The following PSMG2 variants were observed in gnomAD, a reference collection of about 807,000 sequenced individuals.
PSMG2 encodes the protein CD40 ligand-activated specific transcript 3.
In PSMG2, 21 loss-of-function variants were observed where a neutral mutation model predicts 31.5. That is an observed-to-expected ratio of 0.67 (90% CI 0.47 to 0.96). The LOEUF (loss-of-function observed/expected upper bound fraction) is 0.96. Among genes scored for constraint, PSMG2 ranks in the 40% least tolerant of loss-of-function variants. The probability of loss-of-function intolerance (pLI) is 0.00; values close to 1 mark genes in which losing one functional copy is unlikely to be tolerated. For synonymous variants in PSMG2, 120 were observed against 110.4 expected, an observed-to-expected ratio of 1.09 and a Z score of -0.54; for missense variants, 318 against 321.2, an observed-to-expected ratio of 0.99 and a Z score of 0.08.
At chr18:12,723,951 C>A (rs79047841) in intron 5 of PSMG2, among the ~76,000 whole-genome samples, 3,105 of 152,286 alleles carry the variant, frequency 0.02, 108 homozygotes, top group African/African-American at 0.071. Flanking sequence ...TTATTCCAAA[C>A]TGATTCACTT....
At chr18:12,713,737 C>T (rs1337728943) in intron 3 of PSMG2, among the ~76,000 whole-genome samples, 5 of 152,008 alleles carry the variant, frequency 3.3e-5, no homozygotes, top group African/African-American at 1.2e-4. Context: ...AGTTTCTTAT[C>T]TGCTACCCTG....
intron 5 of PSMG2, among the ~76,000 whole-genome samples, chr18:12,722,825 G>C (rs1360653107): frequency 6.6e-6 from 1 of 152,180 alleles, no homozygotes; most frequent in Non-Finnish European, 1.5e-5. Context: ...TAAGAGGCGC[G>C]ATAAGCTGAA....
chr18:12,680,596 CAAAAAAA>C (rs34861312), intron 1 of PSMG2: 23 of 752,898 alleles, frequency 3.1e-5, no homozygotes, highest in African/African-American at 2.1e-4. Context: ...GACTCCATCT[CAAAAAAA>C]AAAAAAAAAA....
intron 1 of PSMG2, among the ~76,000 whole-genome samples, chr18:12,683,017 GT>G (rs2039405113): frequency 6.6e-6 from 1 of 151,918 alleles, no homozygotes; most frequent in South Asian, 2.1e-4. Flanking sequence ...CAGTGTGAAA[GT>G]TCATTCATGG....
upstream of PSMG2, chr18:12,702,350 C>CT: frequency 1.5e-6 from 1 of 668,172 alleles, no homozygotes; most frequent in Non-Finnish European, 2.6e-6. Context: ...AAAGCTCTGC[C>CT]TACTCTGCGT....
chr18:12,673,336 C>G, intron 1 of PSMG2: 2 of 1,571,310 alleles, frequency 1.3e-6, no homozygotes, highest in Non-Finnish European at 1.7e-6. Flanking sequence ...CAATTAAACA[C>G]AGGTATAAAT....
chr18:12,665,663 A>T (rs12963505), intron 1 of PSMG2, among the ~76,000 whole-genome samples: 37,596 of 152,180 alleles, frequency 0.25, 5,158 homozygotes, highest in Non-Finnish European at 0.32. Flanking sequence ...ACCTAAATTT[A>T]TAAGAGAATG....
chr18:12,725,323 C>T (rs1043264321), intron 6 of PSMG2, 116 bp from the exon 7 acceptor site: 1 of 712,152 alleles, frequency 1.4e-6, no homozygotes, highest in Non-Finnish European at 2.2e-6. Flanking sequence ...AACAATAAAA[C>T]CTGGCTATAA....
At chr18:12,686,775 G>A (rs946654743) in intron 1 of PSMG2, 1 of 184,478 alleles carries the variant, frequency 5.4e-6, no homozygotes, top group Non-Finnish European at 1.1e-5. Flanking sequence ...GGGAGGGAGA[G>A]GTGCTCTAAG....
chr18:12,678,353 A>G, intron 1 of PSMG2: 1 of 1,614,132 alleles, frequency 6.2e-7, no homozygotes. Flanking sequence ...CTGATGGTTG[A>G]AAACACAACC....
At chr18:12,711,440 G>GCTGAGTAAT (rs1175505792) in intron 2 of PSMG2, among the ~76,000 whole-genome samples, 1 of 152,138 alleles carries the variant, frequency 6.6e-6, no homozygotes, top group Non-Finnish European at 1.5e-5. Flanking sequence ...TAGGTTAGAG[G>GCTGAGTAAT]CTGAGTAATC....
At chr18:12,672,882 G>A in intron 1 of PSMG2, 1 of 985,246 alleles carries the variant, frequency 1.0e-6, no homozygotes, top group Non-Finnish European at 1.2e-6. Context: ...CCACAAAAGT[G>A]GTAATTCATT....
chr18:12,703,574 GTAGT>G (rs1367087628), intron 1 of PSMG2, among the ~76,000 whole-genome samples: 2 of 152,176 alleles, frequency 1.3e-5, no homozygotes, highest in East Asian at 3.8e-4. Flanking sequence ...ACTCTTGCCG[GTAGT>G]TAGCGCAGTT....
At chr18:12,700,968 T>C, upstream of PSMG2, 3 of 1,612,812 alleles carry the variant, frequency 1.9e-6, no homozygotes, top group Non-Finnish European at 2.5e-6. Context: ...AGTAACAAAA[T>C]TAAGTTCTTT....
At chr18:12,693,818 T>C (rs1047931617) in intron 1 of PSMG2, among the ~76,000 whole-genome samples, 3 of 152,116 alleles carry the variant, frequency 2.0e-5, no homozygotes. Context: ...CGTATACACA[T>C]AATGTATATG....
chr18:12,674,854 T>C, intron 1 of PSMG2: 1 of 608,624 alleles, frequency 1.6e-6, no homozygotes, highest in Non-Finnish European at 2.7e-6. Context: ...CAAGAAAAGA[T>C]TTTTAAAAGC....
intron 1 of PSMG2, chr18:12,691,300 C>A: frequency 1.9e-6 from 2 of 1,051,518 alleles, no homozygotes; most frequent in Non-Finnish European, 2.7e-6. Flanking sequence ...ATGAAATTTA[C>A]ACACATAACA....
rs749208748 is a variant in PSMG2 at position 12,706,508 on chromosome 18, C to T, written c.58-42C>T. 4 of 1,596,814 alleles carry T rather than the reference C, an allele frequency of 2.5e-6. No individual in the cohort carries two copies. In the South Asian group the frequency reaches 4.5e-5, roughly 18 times the overall value. On this transcript the variant is annotated intron_variant, in intron 1 of 6. Coordinates refer to ENST00000317615, the MANE Select transcript of PSMG2 (RefSeq NM_020232.5). ...TTTCAAAAAATAAAATAAAGTGCTG[C>T]TAATTTTGGTGACTTACTGAACATA...
intron 1 of PSMG2, among the ~76,000 whole-genome samples, chr18:12,694,329 G>A (rs1408509091): frequency 2.6e-5 from 4 of 152,234 alleles, no homozygotes; most frequent in Non-Finnish European, 4.4e-5. Flanking sequence ...GCAGGGTGGA[G>A]TAAAGGGTGG....
Sources: gnomAD v4.1 joint callset for allele counts (sites outside exome capture counted in the v4.1 genomes callset) on GRCh38, gnomAD v4.1.1 for gene constraint, MANE v1.5 for transcripts, NCBI Gene and HGNC (gene_info 2026-07-23, HGNC 2026-07-21) for gene names.